APP: variants seen among roughly 807,000 people sequenced by gnomAD.
The protein encoded by APP is amyloid beta precursor protein.
In APP, 31 loss-of-function variants were observed where a neutral mutation model predicts 101.4. The observed-to-expected ratio is 0.31, with a 90% CI of 0.23 to 0.41. The LOEUF is 0.41. Among genes scored for constraint, APP ranks in the 10% least tolerant of loss-of-function variants. The pLI is 1.00. For missense variants in APP, 839 were observed against 1,003.7 expected (o/e 0.84, Z 2.22); for synonymous variants, 366 against 364.4 (o/e 1.00, Z -0.05).
chr21:25,975,036 C>T (rs763490350), intron 11 of APP, 34 bp downstream of exon 11: 1 of 1,613,594 alleles, frequency 6.2e-7, no homozygotes, highest in Non-Finnish European at 8.5e-7. Flanking sequence ...TGTGCTGTGA[C>T]CTGAAGTGTG....
intron 2 of APP, among the ~76,000 whole-genome samples, chr21:26,109,150 C>T (rs1296356703): frequency 6.6e-6 from 1 of 152,222 alleles, no homozygotes; most frequent in Non-Finnish European, 1.5e-5. Context: ...ATTCTCCCCA[C>T]TCATGGTGGC....
chr21:26,065,430 T>C (rs1039064113), intron 3 of APP, among the ~76,000 whole-genome samples: 4 of 152,194 alleles, frequency 2.6e-5, no homozygotes, highest in African/African-American at 9.6e-5. Flanking sequence ...GACTTTTTTT[T>C]AGAAAAAAAT....
At chr21:26,130,154 T>A (rs2062763201) in intron 1 of APP, among the ~76,000 whole-genome samples, 1 of 152,228 alleles carries the variant, frequency 6.6e-6, no homozygotes, top group African/African-American at 2.4e-5. Context: ...TAGATGGTCA[T>A]TCACACGAAG....
At chr21:26,027,538 T>C (rs1327905961) in intron 5 of APP, among the ~76,000 whole-genome samples, 2 of 152,172 alleles carry the variant, frequency 1.3e-5, no homozygotes, top group Non-Finnish European at 2.9e-5. Context: ...ATAAAGGCAC[T>C]GTTAGAAGCG....
chr21:26,068,383 A>G (rs893573910), intron 3 of APP: 2 of 149,576 alleles, frequency 1.3e-5, no homozygotes, highest in African/African-American at 5.0e-5. Flanking sequence ...TTTTTTTTAA[A>G]GAGACGGGGA....
rs147423208 is a variant in APP, at chr21:26,074,489, C to T, written c.355+15454G>A. 3.6e-4 allele frequency among the ~76,000 whole-genome samples: 55 copies of T among 152,348 alleles called. 1 individual carries two copies. The East Asian group carries it at 7.5e-3, about 21-fold the overall frequency. On this transcript the variant is annotated intron_variant, in intron 3 of 17. Coordinates refer to ENST00000346798, the MANE Select transcript of APP (RefSeq NM_000484.4). ...TAATTCTTAAGGCCAGGCGTGGTGG[C>T]TCACGCCTGTAATTCCAGCACTAGG...
At chr21:25,887,967 G>GTT (rs1569008432) in intron 17 of APP, among the ~76,000 whole-genome samples, 2 of 152,032 alleles carry the variant, frequency 1.3e-5, no homozygotes, top group East Asian at 1.9e-4. Context: ...GTTCTCAGGA[G>GTT]TTTTTTTCCT....
intron 5 of APP, among the ~76,000 whole-genome samples, chr21:26,033,028 G>C (rs1033952721): frequency 1.3e-5 from 2 of 151,910 alleles, no homozygotes; most frequent in African/African-American, 4.9e-5. Context: ...AGAGGTAACA[G>C]GTAAACTGGG....
At chr21:26,140,042 G>T in intron 1 of APP, 4 of 842,910 alleles carry the variant, frequency 4.7e-6, no homozygotes, top group South Asian at 3.3e-5. Context: ...TCCCTACTTT[G>T]GTCACAATAA....
intron 1 of APP, among the ~76,000 whole-genome samples, chr21:26,145,314 T>A (rs2063131656): frequency 6.6e-6 from 1 of 152,064 alleles, no homozygotes; most frequent in South Asian, 2.1e-4. Context: ...TGGGATGGCA[T>A]GAGACTGGAT....
At chr21:25,939,648 T>C (rs554117202) in intron 13 of APP, among the ~76,000 whole-genome samples, 1 of 152,362 alleles carries the variant, frequency 6.6e-6, no homozygotes, top group African/African-American at 2.4e-5. Context: ...CCTCTTTTTC[T>C]CTAAAGTTTC....
chr21:25,971,342 G>A (rs1008372111), intron 11 of APP, among the ~76,000 whole-genome samples: 31 of 152,300 alleles, frequency 2.0e-4, no homozygotes, highest in African/African-American at 7.0e-4. Flanking sequence ...CACCACACCT[G>A]GCATAAACAA....
At chr21:26,151,328 C>T (rs1368006155) in intron 1 of APP, among the ~76,000 whole-genome samples, 1 of 152,144 alleles carries the variant, frequency 6.6e-6, no homozygotes, top group Non-Finnish European at 1.5e-5. Context: ...TACATTCCAG[C>T]TCCAGCTACA....
chr21:26,031,739 G>T (rs951967393), intron 5 of APP, among the ~76,000 whole-genome samples: 7 of 152,170 alleles, frequency 4.6e-5, no homozygotes, highest in Admixed American at 6.5e-5. Context: ...AATTCTGGGA[G>T]ATATAATTGA....
At chr21:26,096,975 G>A (rs1248743005) in intron 2 of APP, among the ~76,000 whole-genome samples, 1 of 152,170 alleles carries the variant, frequency 6.6e-6, no homozygotes, top group African/African-American at 2.4e-5. Flanking sequence ...GGGCCTGCCT[G>A]TGCCCTCTAA....
intron 1 of APP, among the ~76,000 whole-genome samples, chr21:26,158,898 G>A (rs988902916): frequency 3.9e-5 from 6 of 151,918 alleles, no homozygotes; most frequent in African/African-American, 7.3e-5. Flanking sequence ...TTATTTCTCC[G>A]TCTCTTTCTT....
intron 1 of APP, among the ~76,000 whole-genome samples, chr21:26,152,799 C>A (rs2063305142): frequency 6.6e-6 from 1 of 152,140 alleles, no homozygotes; most frequent in Non-Finnish European, 1.5e-5. Context: ...TGGGTATCTA[C>A]CCGGAGGAAA....
At chr21:26,062,226 AACAAACACACAC>A (rs1414938006) in intron 3 of APP, among the ~76,000 whole-genome samples, 3 of 86,386 alleles carry the variant, frequency 3.5e-5, no homozygotes, top group South Asian at 8.5e-4. Flanking sequence ...CAAACAAACA[AACAAACACACAC>A]ACACACACAC....
intron 6 of APP, among the ~76,000 whole-genome samples, chr21:26,019,937 A>C (rs1476212719): frequency 6.6e-6 from 1 of 152,222 alleles, no homozygotes; most frequent in Admixed American, 6.5e-5. Flanking sequence ...GGTTTAAACA[A>C]AATGCGCATT....
Sources: gnomAD v4.1 joint callset for allele counts (sites outside exome capture counted in the v4.1 genomes callset) on GRCh38, gnomAD v4.1.1 for gene constraint, MANE v1.5 for transcripts, NCBI Gene and HGNC (gene_info 2026-07-23, HGNC 2026-07-21) for gene names.